MBP: variants seen among roughly 807,000 people sequenced by gnomAD.
The protein encoded by MBP is myelin basic protein, also known as Golli-MBP.
Under a neutral mutation model 35.8 loss-of-function variants are expected in MBP, and 16 were observed. That is an observed-to-expected ratio of 0.45 (90% CI 0.30 to 0.68). The LOEUF is 0.68. Ranked by LOEUF, MBP falls within the 30% of genes least tolerant of loss-of-function variation. The probability of loss-of-function intolerance (pLI) is 0.08; values close to 1 mark genes in which losing one functional copy is unlikely to be tolerated. For missense variants in MBP, 380 were observed against 404.7 expected (o/e 0.94, Z 0.52); for synonymous variants, 143 against 159.6 (o/e 0.90, Z 0.78).
At chr18:77,010,436 G>A (rs1971278933) in intron 4 of MBP, among the ~76,000 whole-genome samples, 1 of 152,210 alleles carries the variant, frequency 6.6e-6, no homozygotes, top group Admixed American at 6.5e-5. Context: ...TAGCAAGTGT[G>A]TTATCTTCTG....
At chr18:77,005,555 G>C (rs1225528340) in intron 4 of MBP, 1 of 152,282 alleles carries the variant, frequency 6.6e-6, no homozygotes, top group Non-Finnish European at 1.5e-5. Context: ...TGGCCAGAGA[G>C]TGAAGTTCTA....
intron 2 of MBP, among the ~76,000 whole-genome samples, chr18:77,091,587 C>CCACA (rs57618192): frequency 4.7e-5 from 7 of 148,116 alleles, no homozygotes; most frequent in South Asian, 2.2e-4. Flanking sequence ...GCAAGAGAAA[C>CCACA]CACACACACA....
At chr18:76,980,638 A>C in intron 8 of MBP, 167 bp from the exon 9 acceptor site, 2 of 601,382 alleles carry the variant, frequency 3.3e-6, no homozygotes, top group Non-Finnish European at 3.0e-6. Context: ...ATTTCTCCCG[A>C]CCTCCCTCAG....
chr18:77,091,649 AACAC>A (rs747931711), intron 2 of MBP, among the ~76,000 whole-genome samples: 1 of 150,864 alleles, frequency 6.6e-6, no homozygotes, highest in African/African-American at 2.4e-5. Flanking sequence ...ACACACCACA[AACAC>A]ACATGCACAC....
At chr18:77,015,307 C>A in intron 4 of MBP, 1 of 985,290 alleles carries the variant, frequency 1.0e-6, no homozygotes, top group Non-Finnish European at 1.2e-6. Context: ...ATAGTTCAAG[C>A]TTTCAAAACT....
chr18:76,996,418 T>C (rs986840385), intron 4 of MBP, among the ~76,000 whole-genome samples: 4 of 152,186 alleles, frequency 2.6e-5, no homozygotes, highest in Non-Finnish European at 4.4e-5. Flanking sequence ...AACCAGTACA[T>C]GAATGTTCAT....
intron 4 of MBP, chr18:77,005,018 C>G (rs1305589125): frequency 1.3e-5 from 2 of 152,186 alleles, no homozygotes; most frequent in African/African-American, 2.4e-5. Flanking sequence ...CTTGTGGGAC[C>G]CACATTGGGG....
At chr18:77,098,402 G>C (rs1047997286) in intron 2 of MBP, among the ~76,000 whole-genome samples, 1 of 152,056 alleles carries the variant, frequency 6.6e-6, no homozygotes. Context: ...CATGTACAAA[G>C]TTTATCACTG....
intron 3 of MBP, among the ~76,000 whole-genome samples, chr18:77,052,571 A>G (rs1973532918): frequency 6.6e-6 from 1 of 152,222 alleles, no homozygotes; most frequent in African/African-American, 2.4e-5. Context: ...TTTGAAGGCC[A>G]GGATCGCTTA....
At position 76,980,407 on chromosome 18, in the gene MBP, T is replaced by C; in HGVS notation, c.*20A>G. ...TTATATTAAGAAGCTGAGGACAGGATTCCGGAACCAGGTGGGTTTTCAGCG... is the reference window on the plus strand; with the variant it reads ...TTATATTAAGAAGCTGAGGACAGGACTCCGGAACCAGGTGGGTTTTCAGCG... On this transcript the variant is annotated 3_prime_UTR_variant, in exon 9 of 9. Coordinates refer to ENST00000355994, the MANE Select transcript of MBP (RefSeq NM_001025101.2). 2 of 1,610,332 alleles carry C rather than the reference T, an allele frequency of 1.2e-6. No individual in the cohort carries two copies. The highest frequency in any genetic ancestry group is 1.7e-6 in the Non-Finnish European group (2 of 1,176,586).
In MBP at chr18:77,101,098, G is replaced by C. The variant is rs1975989409; in HGVS notation, c.51+4113C>G. Among the ~76,000 whole-genome samples, 1 of 152,230 alleles carries C rather than the reference G, an allele frequency of 6.6e-6. No homozygotes were observed. The highest frequency in any genetic ancestry group is 1.5e-5 in the Non-Finnish European group (1 of 68,036). ...ATGAATTCCTCCAGTAGCCAGTGAA[G>C]CCAAGTGTCTTACGTCCTAAGGACC... On this transcript the variant is annotated intron_variant, in intron 2 of 8. Coordinates refer to ENST00000355994, the MANE Select transcript of MBP (RefSeq NM_001025101.2). This position sits in a 1 kb window ranked among gnomAD's most constrained non-coding sequence, Gnocchi z 4.3.
chr18:77,066,716 T>C, intron 2 of MBP: 1 of 544,734 alleles, frequency 1.8e-6, no homozygotes, highest in Admixed American at 2.0e-5. Context: ...AGTTACTGCT[T>C]TAGATTCTAA....
At chr18:77,040,584 T>C (rs470533) in intron 3 of MBP, among the ~76,000 whole-genome samples, 5,603 of 152,270 alleles carry the variant, frequency 0.037, 343 homozygotes, top group African/African-American at 0.13. Context: ...ACAACAGATA[T>C]GTAGACCAAT....
chr18:77,011,233 G>A (rs911087641), intron 4 of MBP, among the ~76,000 whole-genome samples: 2 of 152,202 alleles, frequency 1.3e-5, no homozygotes, highest in African/African-American at 2.4e-5. Context: ...AGTAAATTGA[G>A]TATTCACTTT....
At position 77,131,743 on chromosome 18, in the gene MBP, T is replaced by C. The variant is rs2145284396; in HGVS notation, c.-26+837A>G. ...TAGTGTGGCGGCAAATGACCGCAGGTCACACACCCCGGCCTCGGGGGCCAC... is the reference window on the plus strand; with the variant it reads ...TAGTGTGGCGGCAAATGACCGCAGGCCACACACCCCGGCCTCGGGGGCCAC... On this transcript the variant is annotated intron_variant, in intron 1 of 8. Coordinates refer to ENST00000355994, the MANE Select transcript of MBP (RefSeq NM_001025101.2). This position sits in a 1 kb window ranked among gnomAD's most constrained non-coding sequence, Gnocchi z 5.5. 6.6e-6 allele frequency: 1 copy of C among 151,514 alleles called. No homozygotes were observed. Among genetic ancestry groups the C allele is most frequent in the African/African-American group, 2.4e-5 (1 of 41,236 alleles). 9.4% of individuals were successfully genotyped at this position (151,514 alleles called of 1,614,324 possible).
At chr18:76,986,311 C>CA (rs1181395621) in intron 7 of MBP, 1 of 985,370 alleles carries the variant, frequency 1.0e-6, no homozygotes, top group Non-Finnish European at 1.2e-6. Flanking sequence ...TATCAGCCTG[C>CA]AGCCTTTCTT....
chr18:76,982,110 T>TCCCCGTTTTC (rs1472536913), intron 8 of MBP: 4 of 152,222 alleles, frequency 2.6e-5, no homozygotes, highest in Admixed American at 6.5e-5. Flanking sequence ...AACCCGTTTT[T>TCCCCGTTTTC]CCCCGTTTTC....
At chr18:77,087,760 G>A (rs76442662) in intron 2 of MBP, 19,403 of 151,954 alleles carry the variant, frequency 0.13, 1,346 homozygotes, top group East Asian at 0.23. Context: ...CCAGGCAGGC[G>A]CTGGGATGGG....
chr18:77,056,128 T>A (rs978481759), intron 3 of MBP, among the ~76,000 whole-genome samples: 7 of 150,272 alleles, frequency 4.7e-5, no homozygotes, highest in African/African-American at 9.7e-5. Flanking sequence ...CTGTTATCCG[T>A]GACCCCGTGC....
Sources: allele counts gnomAD v4.1 joint callset (sites outside exome capture counted in the v4.1 genomes callset), GRCh38; gene constraint gnomAD v4.1.1; non-coding constraint Gnocchi (gnomAD v3.1); transcripts MANE v1.5; gene names NCBI Gene and HGNC (gene_info 2026-07-23, HGNC 2026-07-21).